Variants in EYS observed in about 807,000 individuals in gnomAD.
The protein encoded by EYS is EGF-like photoreceptor maintenance factor.
A neutral mutation model predicts 282.1 loss-of-function variants in EYS; 250 were observed. That is an observed-to-expected ratio of 0.89 (90% CI 0.80 to 0.98). EYS has a LOEUF of 0.98. EYS is among the 50% of genes least tolerant of loss of function. The pLI, the probability that EYS is intolerant of heterozygous loss-of-function variation, is 0.00. For missense variants in EYS, 4,016 were observed against 3,709.0 expected (o/e 1.08, Z -2.15); for synonymous variants, 1,355 against 1,282.9 (o/e 1.06, Z -1.20).
At chr6:65,376,923 T>G (rs1765389835) in intron 8 of EYS, among the ~76,000 whole-genome samples, 1 of 152,170 alleles carries the variant, frequency 6.6e-6, no homozygotes, top group Non-Finnish European at 1.5e-5. Flanking sequence ...ACAGTAATAG[T>G]GGGAGACTTT....
At chr6:64,879,541 G>T (rs1279884685) in intron 19 of EYS, among the ~76,000 whole-genome samples, 1 of 152,032 alleles carries the variant, frequency 6.6e-6, no homozygotes, top group Non-Finnish European at 1.5e-5. Context: ...AAGATATTTT[G>T]TTTGTGAACA....
At chr6:64,163,762 G>C (rs1417886934) in intron 31 of EYS, among the ~76,000 whole-genome samples, 1 of 151,986 alleles carries the variant, frequency 6.6e-6, no homozygotes, top group Non-Finnish European at 1.5e-5. Context: ...AAATATGTGA[G>C]ATTTGAAAAA....
At chr6:64,682,819 C>G (rs112854765) in intron 22 of EYS, among the ~76,000 whole-genome samples, 1 of 152,108 alleles carries the variant, frequency 6.6e-6, no homozygotes, top group African/African-American at 2.4e-5. Context: ...AATAAACTTC[C>G]GCTCCTGCTC....
chr6:65,706,623 A>G (rs1361837909), intron 1 of EYS, among the ~76,000 whole-genome samples: 1 of 152,182 alleles, frequency 6.6e-6, no homozygotes, highest in Non-Finnish European at 1.5e-5. Flanking sequence ...GCCATTGAAG[A>G]GGAAAAAAAT....
intron 28 of EYS, among the ~76,000 whole-genome samples, chr6:64,412,293 C>A (rs1397344745): frequency 2.0e-5 from 3 of 152,058 alleles, no homozygotes; most frequent in East Asian, 1.9e-4. Context: ...CATTCTTTGA[C>A]AAACTAGTGT....
At chr6:63,820,147 A>G (rs1180221707) in intron 36 of EYS, among the ~76,000 whole-genome samples, 1 of 152,220 alleles carries the variant, frequency 6.6e-6, no homozygotes, top group African/African-American at 2.4e-5. Context: ...AGTAATTTAT[A>G]TCATTGCTCT....
intron 8 of EYS, among the ~76,000 whole-genome samples, chr6:65,381,679 T>C (rs1177548448): frequency 2.0e-5 from 3 of 152,050 alleles, no homozygotes; most frequent in Non-Finnish European, 4.4e-5. Flanking sequence ...ATTTAAAATG[T>C]GTATTTACCT....
chr6:65,447,336 A>ATATATATATATAAATATATGTATATAGT (rs1562189663), intron 5 of EYS, among the ~76,000 whole-genome samples: 1 of 137,010 alleles, frequency 7.3e-6, no homozygotes, highest in African/African-American at 2.5e-5. Flanking sequence ...GTGTGTGTAT[A>ATATATATATATAAATATATGTATATAGT]TATATATATA....
chr6:65,529,219 T>A (rs987180154), intron 2 of EYS, among the ~76,000 whole-genome samples: 1 of 152,176 alleles, frequency 6.6e-6, no homozygotes. Context: ...AGTGACACAT[T>A]TTAAGCTTTA....
At chr6:64,191,460 C>T (rs929099038) in intron 31 of EYS, among the ~76,000 whole-genome samples, 7 of 149,754 alleles carry the variant, frequency 4.7e-5, no homozygotes, top group South Asian at 2.2e-4. Context: ...TTAGGTATAT[C>T]GTCCAGTGCT....
intron 5 of EYS, among the ~76,000 whole-genome samples, chr6:65,418,278 C>T (rs1562167299): frequency 6.6e-6 from 1 of 151,914 alleles, no homozygotes; most frequent in Admixed American, 6.6e-5. Flanking sequence ...AAAAGTAATA[C>T]AGAGAAGACC....
intron 28 of EYS, among the ~76,000 whole-genome samples, chr6:64,399,667 A>G (rs1407355381): frequency 6.6e-6 from 1 of 151,920 alleles, no homozygotes. Context: ...CAATTACATA[A>G]GCCAATTCCT....
At chr6:65,102,335 T>G (rs572778802) in intron 12 of EYS, among the ~76,000 whole-genome samples, 1 of 151,508 alleles carries the variant, frequency 6.6e-6, no homozygotes, top group African/African-American at 2.4e-5. Context: ...AACACAGCAT[T>G]ATGCATTGTC....
chr6:64,954,009 CA>C (rs11297168), intron 14 of EYS, among the ~76,000 whole-genome samples: 143,099 of 151,102 alleles, frequency 0.95, 67,843 homozygotes, highest in African/African-American at 0.99. Flanking sequence ...TCATTAGTAA[CA>C]AAAAAAAAAG....
chr6:64,992,916 G>C (rs1771116470), intron 14 of EYS, among the ~76,000 whole-genome samples: 1 of 151,980 alleles, frequency 6.6e-6, no homozygotes. Flanking sequence ...ATACTGAAGG[G>C]ACAACTGGGA....
At chr6:65,580,826 C>G (rs1234805714) in intron 2 of EYS, among the ~76,000 whole-genome samples, 3 of 151,996 alleles carry the variant, frequency 2.0e-5, no homozygotes, top group Non-Finnish European at 4.4e-5. Context: ...CCTAAAACTT[C>G]AAGTGTCATG....
At chr6:64,360,438 A>G (rs1771965761) in intron 29 of EYS, among the ~76,000 whole-genome samples, 1 of 151,696 alleles carries the variant, frequency 6.6e-6, no homozygotes, top group African/African-American at 2.4e-5. Flanking sequence ...GTGTGCCGCT[A>G]TGTCATTATC....
At chr6:64,392,804 A>T (rs1367084322) in intron 28 of EYS, among the ~76,000 whole-genome samples, 1 of 151,644 alleles carries the variant, frequency 6.6e-6, no homozygotes, top group African/African-American at 2.4e-5. Context: ...AAATAGAGAC[A>T]CAAAAAACCC....
At chr6:64,778,529 C>T (rs996052120) in intron 22 of EYS, among the ~76,000 whole-genome samples, 3 of 152,140 alleles carry the variant, frequency 2.0e-5, no homozygotes, top group Non-Finnish European at 4.4e-5. Context: ...GCTTCTTGTT[C>T]GTTGGCTGCT....
Sources: gnomAD v4.1 joint callset for allele counts (sites outside exome capture counted in the v4.1 genomes callset) on GRCh38, gnomAD v4.1.1 for gene constraint, MANE v1.5 for transcripts, NCBI Gene and HGNC (gene_info 2026-07-23, HGNC 2026-07-21) for gene names.